Variants in CRTAC1 observed in about 807,000 individuals in gnomAD.
CRTAC1 encodes the protein acidic secreted protein in cartilage.
CRTAC1 carries 37 observed loss-of-function variants against 67.8 expected under a neutral mutation model. The observed-to-expected ratio is 0.55, with a 90% CI of 0.42 to 0.72. CRTAC1 has a LOEUF of 0.72. Among genes scored for constraint, CRTAC1 ranks in the 30% least tolerant of loss-of-function variants. The probability of loss-of-function intolerance (pLI) is 0.00; values close to 1 mark genes in which losing one functional copy is unlikely to be tolerated. For missense variants in CRTAC1, 780 were observed against 931.6 expected, an observed-to-expected ratio of 0.84 and a Z score of 2.12; for synonymous variants, 348 against 371.0, an observed-to-expected ratio of 0.94 and a Z score of 0.71.
intron 2 of CRTAC1, among the ~76,000 whole-genome samples, chr10:98,002,763 T>G (rs201413278): frequency 0.042 from 2,195 of 52,074 alleles, 16 homozygotes; most frequent in African/African-American, 0.092. Flanking sequence ...AAAACTCACT[T>G]TTTTTTTTTT....
intron 2 of CRTAC1, among the ~76,000 whole-genome samples, chr10:98,010,381 A>G (rs570072048): frequency 6.6e-6 from 1 of 152,318 alleles, no homozygotes; most frequent in East Asian, 1.9e-4. Flanking sequence ...GCAGAAATTT[A>G]CAATGCACTG....
chr10:98,005,100 A>ATATATATTTT, intron 2 of CRTAC1, among the ~76,000 whole-genome samples: 4 of 48,884 alleles, frequency 8.2e-5, no homozygotes, highest in Admixed American at 2.7e-4. Flanking sequence ...ATATATATAT[A>ATATATATTTT]TTTTTTTTTT....
chr10:97,934,495 C>T (rs1171103335), intron 3 of CRTAC1, among the ~76,000 whole-genome samples: 1 of 150,826 alleles, frequency 6.6e-6, no homozygotes, highest in Non-Finnish European at 1.5e-5. Flanking sequence ...TGGCATAAGC[C>T]CCAACCTCTT....
intron 2 of CRTAC1, among the ~76,000 whole-genome samples, chr10:97,960,652 G>C (rs1332069655): frequency 6.6e-6 from 1 of 152,208 alleles, no homozygotes; most frequent in Non-Finnish European, 1.5e-5. Context: ...AACAAGGCAG[G>C]ACCCTGGACA....
At chr10:98,017,984 G>A (rs1843033603) in intron 1 of CRTAC1, among the ~76,000 whole-genome samples, 2 of 151,668 alleles carry the variant, frequency 1.3e-5, no homozygotes, top group Admixed American at 6.6e-5. Context: ...ATTGCTTGAG[G>A]TCAGGAGTTC....
At chr10:97,871,981 A>T (rs1165624896) in intron 14 of CRTAC1, among the ~76,000 whole-genome samples, 1 of 152,208 alleles carries the variant, frequency 6.6e-6, no homozygotes. Flanking sequence ...GGCCCCAAGA[A>T]GGGGGCAATG....
intron 2 of CRTAC1, among the ~76,000 whole-genome samples, chr10:97,942,715 T>C (rs2051194487): frequency 6.6e-6 from 1 of 152,028 alleles, no homozygotes; most frequent in African/African-American, 2.4e-5. Flanking sequence ...TGCTATCTGT[T>C]TGAAAATTAA....
chr10:97,948,110 A>C (rs1312188579), intron 2 of CRTAC1, among the ~76,000 whole-genome samples: 4 of 542 alleles, frequency 7.4e-3, no homozygotes, highest in Admixed American at 0.045. Flanking sequence ...AATTATTGCA[A>C]AAAAAAAAAA....
chr10:97,902,376 C>G (rs939117573), intron 7 of CRTAC1, among the ~76,000 whole-genome samples: 1 of 152,202 alleles, frequency 6.6e-6, no homozygotes, highest in Non-Finnish European at 1.5e-5. Flanking sequence ...CCTCTACTAC[C>G]TTACGTTGTT....
chr10:97,943,013 G>A (rs769357403), intron 2 of CRTAC1, among the ~76,000 whole-genome samples: 10 of 151,928 alleles, frequency 6.6e-5, no homozygotes, highest in Non-Finnish European at 1.2e-4. Flanking sequence ...TCGAGACTGT[G>A]GTGAGCTGTG....
intron 2 of CRTAC1, among the ~76,000 whole-genome samples, chr10:97,949,088 T>C (rs1485153423): frequency 1.3e-5 from 2 of 152,192 alleles, no homozygotes; most frequent in African/African-American, 4.8e-5. Flanking sequence ...CCCAGAAAGC[T>C]AGGGTTAGGT....
At chr10:98,012,702 T>G (rs1040290997) in intron 1 of CRTAC1, among the ~76,000 whole-genome samples, 3 of 152,224 alleles carry the variant, frequency 2.0e-5, no homozygotes, top group Admixed American at 6.5e-5. Flanking sequence ...GGCTGGGCAC[T>G]GCCTTCAGAG....
chr10:97,884,425 T>C (rs1394175674), intron 11 of CRTAC1, 74 bp from the exon 12 acceptor site: 4 of 1,322,112 alleles, frequency 3.0e-6, no homozygotes, highest in Non-Finnish European at 4.2e-6. Context: ...CAGCATCAAC[T>C]AATTCATCCA....
intron 11 of CRTAC1, 71 bp from the exon 12 acceptor site, chr10:97,884,422 A>C (rs1439860094): frequency 1.5e-6 from 2 of 1,352,658 alleles, no homozygotes; most frequent in Admixed American, 4.1e-5. Flanking sequence ...CATCAGCATC[A>C]ACTAATTCAT....
chr10:98,003,220 C>T (rs1842726662), intron 2 of CRTAC1, among the ~76,000 whole-genome samples: 1 of 152,194 alleles, frequency 6.6e-6, no homozygotes, highest in African/African-American at 2.4e-5. Flanking sequence ...CATCACCTCT[C>T]TGAAAAATGA....
In CRTAC1 at chr10:97,956,653, T is replaced by C. The variant is rs1273289604; in HGVS notation, c.225-20287A>G. On this transcript the variant is annotated intron_variant, in intron 2 of 14. Coordinates refer to ENST00000370597, the MANE Select transcript of CRTAC1 (RefSeq NM_018058.7). Reference sequence around the variant, plus strand: ...AAAAGTATCTTTGGGCTGATCCTCTTCTAAATCACTGAAATCTACAACTGT... The same window carrying C: ...AAAAGTATCTTTGGGCTGATCCTCTCCTAAATCACTGAAATCTACAACTGT... Among the ~76,000 whole-genome samples, 5 of 152,120 alleles carry C rather than the reference T, an allele frequency of 3.3e-5. 1 individual carries two copies. Among genetic ancestry groups the C allele is most frequent in the Non-Finnish European group, 7.4e-5 (5 of 68,010 alleles).
intron 1 of CRTAC1, among the ~76,000 whole-genome samples, chr10:98,018,550 G>A (rs1167401997): frequency 6.6e-6 from 1 of 152,148 alleles, no homozygotes; most frequent in African/African-American, 2.4e-5. Flanking sequence ...GTGGCCTCAG[G>A]ACTTTCCTGA....
chr10:97,866,362 TTGCAGGCTGCCAGGTGC>T (rs2050025093), intron 14 of CRTAC1: 1 of 152,282 alleles, frequency 6.6e-6, no homozygotes, highest in Non-Finnish European at 1.5e-5. Context: ...CTTTGAGACT[TTGCAGGCTGCCAGGTGC>T]TGGTTGGGGG....
In CRTAC1 at chr10:97,979,534, A is replaced by G. The variant is rs1313750205; in HGVS notation, c.224+31604T>C. 5.3e-5 allele frequency among the ~76,000 whole-genome samples: 8 copies of G among 152,150 alleles called. No individual in the cohort carries two copies. In the East Asian group the frequency reaches 1.3e-3, roughly 26 times the overall value. ...TTGCTTTTCTTCTTTCGGCCCTTAC[A>G]TGAGTCCCCCTGATTGCTGGGCTGG... is the stretch of plus-strand genomic sequence containing the variant. On this transcript the variant is annotated intron_variant, in intron 2 of 14. Transcript: ENST00000370597.
Sources: gnomAD v4.1 joint callset for allele counts (sites outside exome capture counted in the v4.1 genomes callset) on GRCh38, gnomAD v4.1.1 for gene constraint, MANE v1.5 for transcripts, NCBI Gene and HGNC (gene_info 2026-07-23, HGNC 2026-07-21) for gene names.